NSD1: variants seen among roughly 807,000 people sequenced by gnomAD.
The protein encoded by NSD1 is histone-lysine N-methyltransferase, H3 lysine-36 specific.
NSD1 carries 26 observed loss-of-function variants against 242.7 expected under a neutral mutation model. That is an observed-to-expected ratio of 0.11 (90% confidence interval 0.08 to 0.15). The LOEUF is 0.15. Ranked by LOEUF, NSD1 falls within the 10% of genes least tolerant of loss-of-function variation. The pLI is 1.00. For synonymous variants in NSD1, 1,106 were observed against 1,178.1 expected, an observed-to-expected ratio of 0.94 and a Z score of 1.25; for missense variants, 2,495 against 3,272.8, an observed-to-expected ratio of 0.76 and a Z score of 5.80.
intron 9 of NSD1, among the ~76,000 whole-genome samples, chr5:177,244,667 T>C (rs1041913991): frequency 2.0e-5 from 3 of 152,216 alleles, no homozygotes; most frequent in Non-Finnish European, 4.4e-5. Flanking sequence ...TCTTCCACTC[T>C]TCATTTGTCT....
In NSD1 at chr5:177,300,057, G is replaced by GCCCCCCC. The variant is rs60995782; in HGVS notation, c.*4605_*4611dup. On this transcript the variant is annotated 3_prime_UTR_variant, in exon 23 of 23. Transcript: ENST00000439151. ...AGGTCCATCATTGCTTTTTTGCCGC[G>GCCCCCCC]CCCCCCCCCCCCCGCCCCCATAGAT... 62 of 129,966 alleles carry GCCCCCCC rather than the reference G, an allele frequency of 4.8e-4. No individual in the cohort carries two copies. The highest frequency in any genetic ancestry group is 1.1e-3 in the African/African-American group (26 of 24,036). The allele number at this position is 129,966 out of a possible 1,614,324, so 8.1% of individuals were successfully genotyped here.
chr5:177,203,382 A>G (rs1042787550), intron 3 of NSD1, among the ~76,000 whole-genome samples: 1 of 152,166 alleles, frequency 6.6e-6, no homozygotes, highest in East Asian at 1.9e-4. Flanking sequence ...CCAAGAAATT[A>G]TAGGCTAAAC....
rs201566409 is a variant in NSD1, at chr5:177,273,385, CT to C, written c.5510-286del. Among the ~76,000 whole-genome samples the C allele has an allele frequency of 4.2e-3, 616 of 147,306 alleles. 4 individuals carry two copies. The highest frequency in any genetic ancestry group is 0.015 in the African/African-American group (596 of 39,962). ...GCCACCACAGATAAGCAAAAAAGTT[CT>C]CGTATTCAGATGGATGGATGCCAGT... On this transcript the variant is annotated intron_variant, in intron 16 of 22. Coordinates refer to ENST00000439151, the MANE Select transcript of NSD1 (RefSeq NM_022455.5).
At chr5:177,158,701 A>C (rs1295162951) in intron 2 of NSD1, among the ~76,000 whole-genome samples, 2 of 151,402 alleles carry the variant, frequency 1.3e-5, no homozygotes, top group Non-Finnish European at 2.9e-5. Flanking sequence ...TTTAGCCTGT[A>C]ATCCCAGCTA....
chr5:177,193,361 C>G (rs1761850692), intron 3 of NSD1, among the ~76,000 whole-genome samples: 1 of 152,212 alleles, frequency 6.6e-6, no homozygotes, highest in African/African-American at 2.4e-5. Flanking sequence ...CCAGGATGGT[C>G]TTGATCTCTT....
intron 2 of NSD1, among the ~76,000 whole-genome samples, chr5:177,151,148 C>T (rs1019923964): frequency 1.3e-5 from 2 of 152,112 alleles, no homozygotes; most frequent in Non-Finnish European, 2.9e-5. Context: ...GAGGCCTAGG[C>T]GGGAGGATCA....
chr5:177,212,230 T>C (rs777940691), intron 5 of NSD1, 35 bp downstream of exon 5: 1 of 1,557,238 alleles, frequency 6.4e-7, no homozygotes, highest in South Asian at 1.1e-5. Flanking sequence ...AAAAAAAAAA[T>C]TGGAGAAAGT....
rs1341959240 is a variant in NSD1, at chr5:177,210,439, A to G, written c.2040A>G (p.Lys680=). The change falls in exon 5 of 23, where the codon AAA becomes AAG. Residue 680 remains lysine (K), a synonymous_variant. Transcript: ENST00000439151. ...DRTENMLSMQ[K]NEKIKYSRFA... Reference sequence around the variant, plus strand: ...CAGAGAACATGTTATCTATGCAGAAAAATGAAAAGATAAAGTATTCTAGGT... The same window carrying G: ...CAGAGAACATGTTATCTATGCAGAAGAATGAAAAGATAAAGTATTCTAGGT... The G allele has an allele frequency of 6.2e-7, 1 of 1,614,220 alleles. No homozygotes were observed. Among genetic ancestry groups the G allele is most frequent in the Non-Finnish European group, 8.5e-7 (1 of 1,180,040 alleles).
At position 177,248,247 on chromosome 5, in the gene NSD1, G is replaced by A. The variant is rs201483724; in HGVS notation, c.4564G>A (p.Asp1522Asn). ...KETVEEGVEHDPGMPASKKMQ... is the reference protein window; with the variant it reads ...KETVEEGVEHNPGMPASKKMQ... ...GACTGTTGAGGAAGGTGTAGAACAC[G>A]ATCCCGGGATGCCTGCCTCTAAAAA... The change falls in exon 11 of 23, where the codon GAT (aspartate) becomes AAT (asparagine). Residue 1522 changes from aspartate to asparagine, a missense_variant. This residue lies in a region of NSD1 where 97 missense variants were observed against 97.7 expected (regional missense o/e 0.99). Transcript: ENST00000439151. 3.7e-4 allele frequency: 600 copies of A among 1,614,128 alleles called. 11 individuals are homozygous for A. In the South Asian group the frequency reaches 5.2e-3, roughly 14 times the overall value.
At chr5:177,157,116 C>T (rs1228125695) in intron 2 of NSD1, among the ~76,000 whole-genome samples, 1 of 152,152 alleles carries the variant, frequency 6.6e-6, no homozygotes, top group Non-Finnish European at 1.5e-5. Context: ...AACTGTAATC[C>T]TAGCACTTTT....
At chr5:177,265,647 G>T (rs1037027779) in intron 14 of NSD1, 5 of 1,605,002 alleles carry the variant, frequency 3.1e-6, no homozygotes, top group Middle Eastern at 3.4e-4. Flanking sequence ...GTGAAGTCCC[G>T]GTCCCAGTTC....
chr5:177,252,944 G>C (rs1256415250), intron 12 of NSD1, among the ~76,000 whole-genome samples: 2 of 151,928 alleles, frequency 1.3e-5, no homozygotes, highest in East Asian at 3.9e-4. Context: ...GTGTCATTAG[G>C]GTAGGATAAT....
intron 2 of NSD1, among the ~76,000 whole-genome samples, chr5:177,159,168 G>C (rs796737385): frequency 6.0e-5 from 9 of 150,764 alleles, no homozygotes; most frequent in Non-Finnish European, 1.2e-4. Context: ...TCAGCCTCCC[G>C]AGTTGCTGGG....
intron 3 of NSD1, among the ~76,000 whole-genome samples, chr5:177,202,681 T>A (rs1343348192): frequency 1.3e-5 from 2 of 152,162 alleles, no homozygotes; most frequent in Non-Finnish European, 2.9e-5. Flanking sequence ...ACCTGGCCAG[T>A]TCAATGTATT....
Position 177,194,579 on chromosome 5 carries a change from CTT to C in NSD1, c.1063+2582_1063+2583del, listed in dbSNP as rs1200627969. ...ATTACATGTGTGAGTCACCATGCCT[CTT>C]TTTTTTTTTTTTTTTTTTTTTAAAA... On this transcript the variant is annotated intron_variant, in intron 3 of 22. Transcript: ENST00000439151. 5.1e-3 allele frequency among the ~76,000 whole-genome samples: 450 copies of C among 88,528 alleles called. 2 individuals are homozygous for C. Among genetic ancestry groups the C allele is most frequent in the African/African-American group, 0.019 (395 of 20,506 alleles). The allele number at this position is 88,528 out of a possible 152,430, so 58.1% of individuals were successfully genotyped here. A position where few individuals can be genotyped will look rare whatever the true frequency, so the allele number is the denominator to read the frequency against.
chr5:177,220,837 C>T (rs1464286511), intron 5 of NSD1, among the ~76,000 whole-genome samples: 1 of 151,956 alleles, frequency 6.6e-6, no homozygotes, highest in East Asian at 1.9e-4. Context: ...TCTCAAAGTG[C>T]TGGGATTATG....
intron 5 of NSD1, among the ~76,000 whole-genome samples, chr5:177,228,165 T>C (rs1319527899): frequency 6.6e-6 from 1 of 152,080 alleles, no homozygotes; most frequent in African/African-American, 2.4e-5. Flanking sequence ...GTGAGTATAG[T>C]GCAATGCAGT....
At chr5:177,145,340 A>G (rs995384448) in intron 2 of NSD1, among the ~76,000 whole-genome samples, 1 of 143,772 alleles carries the variant, frequency 7.0e-6, no homozygotes, top group Non-Finnish European at 1.5e-5. Flanking sequence ...GTCTAGTAGT[A>G]TGATCACAAC....
intron 2 of NSD1, among the ~76,000 whole-genome samples, chr5:177,148,686 G>A (rs142489100): frequency 0.026 from 3,863 of 150,232 alleles, 49 homozygotes; most frequent in African/African-American, 0.029. Context: ...TCGGCCTCCC[G>A]AAGTGCTGGG....
Sources: gnomAD v4.1 joint callset for allele counts (sites outside exome capture counted in the v4.1 genomes callset) on GRCh38, gnomAD v4.1.1 for gene constraint, gnomAD v4.1.1 regional missense constraint, MANE v1.5 for transcripts, NCBI Gene and HGNC (gene_info 2026-07-23, HGNC 2026-07-21) for gene names.